The following CSMD1 variants were observed in gnomAD, a reference collection of about 807,000 sequenced individuals.
The protein encoded by CSMD1 is CUB and sushi domain-containing protein 1.
In CSMD1, 213 loss-of-function variants were observed where a neutral mutation model predicts 417.5. The ratio of observed to expected loss-of-function variants is 0.51; its 90% CI spans 0.46 to 0.57. The LOEUF is 0.57. Ranked by LOEUF, CSMD1 falls within the 20% of genes least tolerant of loss-of-function variation. The pLI is 0.00. For synonymous variants in CSMD1, 2,862 were observed against 1,736.8 expected, an observed-to-expected ratio of 1.65 and a Z score of -16.11; for missense variants, 6,923 against 4,529.7, an observed-to-expected ratio of 1.53 and a Z score of -15.17.
intron 11 of CSMD1, among the ~76,000 whole-genome samples, chr8:3,472,682 G>T (rs987693848): frequency 3.3e-5 from 5 of 152,056 alleles, no homozygotes; most frequent in Middle Eastern, 3.4e-3. Context: ...ATTGCCATTT[G>T]TTATTGCCCT....
chr8:4,026,485 C>G (rs867093518), intron 4 of CSMD1, among the ~76,000 whole-genome samples: 11 of 152,078 alleles, frequency 7.2e-5, no homozygotes, highest in African/African-American at 2.7e-4. Flanking sequence ...TAAAGATCCT[C>G]CAATTAAGAA....
rs1283520336 is a variant in CSMD1 at position 3,501,636 on chromosome 8, T to G, written c.1345-7910A>C. On this transcript the variant is annotated intron_variant, in intron 10 of 69. Transcript: ENST00000635120. ...AAACTGACGCTATAATGTATCTGATTCATTCCACTTCAAATTATGTATCAG... is the reference window on the plus strand; with the variant it reads ...AAACTGACGCTATAATGTATCTGATGCATTCCACTTCAAATTATGTATCAG... 1.3e-4 allele frequency among the ~76,000 whole-genome samples: 20 copies of G among 152,182 alleles called. No individual in the cohort carries two copies. In the South Asian group the frequency reaches 4.1e-3, roughly 31 times the overall value.
At chr8:3,719,641 G>C (rs1177701006) in intron 6 of CSMD1, among the ~76,000 whole-genome samples, 1 of 152,170 alleles carries the variant, frequency 6.6e-6, no homozygotes, top group Non-Finnish European at 1.5e-5. Flanking sequence ...AGTGCACTCT[G>C]GGTAGGGCGG....
intron 13 of CSMD1, 100 bp from the exon 14 acceptor site, chr8:3,408,325 G>A (rs185770973): frequency 4.0e-6 from 3 of 751,984 alleles, no homozygotes; most frequent in East Asian, 2.7e-5. Flanking sequence ...ATTCATGCCT[G>A]CAAATAGCTA....
chr8:4,566,124 T>C (rs1026341982), intron 2 of CSMD1, among the ~76,000 whole-genome samples: 4 of 152,152 alleles, frequency 2.6e-5, no homozygotes, highest in Non-Finnish European at 5.9e-5. Context: ...GGAATATACA[T>C]CACATGATGT....
At chr8:4,052,976 GC>G (rs1798509806) in intron 3 of CSMD1, among the ~76,000 whole-genome samples, 1 of 152,072 alleles carries the variant, frequency 6.6e-6, no homozygotes, top group Non-Finnish European at 1.5e-5. Context: ...GAACCTGAGG[GC>G]CCCCTTACTC....
At chr8:3,170,306 C>G (rs1461007741) in intron 37 of CSMD1, among the ~76,000 whole-genome samples, 1 of 152,178 alleles carries the variant, frequency 6.6e-6, no homozygotes, top group Non-Finnish European at 1.5e-5. Flanking sequence ...CTCCCGGGTT[C>G]ACACCATTCT....
intron 1 of CSMD1, among the ~76,000 whole-genome samples, chr8:4,961,363 T>C (rs186658511): frequency 8.4e-4 from 128 of 152,262 alleles, no homozygotes; most frequent in African/African-American, 3.1e-3. Flanking sequence ...CCTGACCTGA[T>C]TGCCCCTGAG....
intron 3 of CSMD1, among the ~76,000 whole-genome samples, chr8:4,229,356 T>G (rs1006474071): frequency 2.6e-5 from 4 of 152,214 alleles, no homozygotes; most frequent in African/African-American, 4.8e-5. Context: ...TCCACTTTTG[T>G]GCCATCATCA....
At chr8:3,032,728 C>T (rs74894893) in intron 50 of CSMD1, among the ~76,000 whole-genome samples, 100 of 152,082 alleles carry the variant, frequency 6.6e-4, no homozygotes, top group African/African-American at 2.2e-3. Context: ...TACACTCAAC[C>T]CCCCCAACTC....
chr8:3,647,444 T>TAGAGAAATACAGCATAG (rs1657420191), intron 7 of CSMD1, among the ~76,000 whole-genome samples: 1 of 151,788 alleles, frequency 6.6e-6, no homozygotes, highest in Non-Finnish European at 1.5e-5. Flanking sequence ...ATACAGTACA[T>TAGAGAAATACAGCATAG]AGAGAAATAC....
At chr8:3,479,309 T>C (rs904992617) in intron 11 of CSMD1, among the ~76,000 whole-genome samples, 1 of 152,140 alleles carries the variant, frequency 6.6e-6, no homozygotes, top group African/African-American at 2.4e-5. Flanking sequence ...AGACTAAGTT[T>C]CACTCTTGTC....
chr8:3,624,398 G>A (rs924818593), intron 7 of CSMD1, among the ~76,000 whole-genome samples: 3 of 152,130 alleles, frequency 2.0e-5, no homozygotes, highest in African/African-American at 7.2e-5. Flanking sequence ...GTTAAACGTT[G>A]ATTTATATTT....
At chr8:4,700,650 T>G (rs953602283) in intron 1 of CSMD1, among the ~76,000 whole-genome samples, 2 of 152,106 alleles carry the variant, frequency 1.3e-5, no homozygotes, top group African/African-American at 4.8e-5. Context: ...AAAATGAAAG[T>G]AACTGGACAC....
At chr8:4,311,753 T>C (rs1443486316) in intron 3 of CSMD1, among the ~76,000 whole-genome samples, 2 of 147,826 alleles carry the variant, frequency 1.4e-5, no homozygotes, top group Non-Finnish European at 3.0e-5. Flanking sequence ...AGAATCTAAA[T>C]TATGAGAGTT....
chr8:3,671,752 C>T (rs1350830767), intron 7 of CSMD1, among the ~76,000 whole-genome samples: 13 of 151,694 alleles, frequency 8.6e-5, no homozygotes. Flanking sequence ...GGACACAAAA[C>T]AGGCCCCTTG....
intron 3 of CSMD1, among the ~76,000 whole-genome samples, chr8:4,124,204 G>T (rs1025151110): frequency 6.6e-6 from 1 of 152,082 alleles, no homozygotes; most frequent in Non-Finnish European, 1.5e-5. Flanking sequence ...ACGACCAGGA[G>T]GAAGCTTCAG....
At position 3,000,077 on chromosome 8, in the gene CSMD1, C is replaced by G; in HGVS notation, c.8084G>C (p.Gly2695Ala). 1 of 1,601,348 alleles carries G rather than the reference C, an allele frequency of 6.2e-7. No individual in the cohort carries two copies. Among genetic ancestry groups the G allele is most frequent in the Non-Finnish European group, 8.5e-7 (1 of 1,176,998 alleles). ...AACCACCGTGTCTCTGTAACTGAAG[C>G]CATCTCCACTAATGTGACCGTTCAC... Reference protein sequence around the residue: ...PIVNGHISGDGFSYRDTVVYQ... With the variant: ...PIVNGHISGDAFSYRDTVVYQ... Residue 2695 changes from glycine (G) to alanine (A), a missense_variant, in exon 53 of 70, where the codon GGC becomes GCC. Coordinates refer to ENST00000635120, the MANE Select transcript of CSMD1 (RefSeq NM_033225.6).
At chr8:4,342,443 C>T (rs530282140) in intron 3 of CSMD1, among the ~76,000 whole-genome samples, 1 of 152,120 alleles carries the variant, frequency 6.6e-6, no homozygotes, top group South Asian at 2.1e-4. Flanking sequence ...ACTATTCTGG[C>T]TATCCCAACA....
Sources: gnomAD v4.1 joint callset for allele counts (sites outside exome capture counted in the v4.1 genomes callset) on GRCh38, gnomAD v4.1.1 for gene constraint, MANE v1.5 for transcripts, NCBI Gene and HGNC (gene_info 2026-07-23, HGNC 2026-07-21) for gene names.